Variants in SMYD4 observed in about 807,000 individuals in gnomAD.
The protein encoded by SMYD4 is SET and MYND domain containing 4, also known as protein-lysine N-methyltransferase SMYD4.
A neutral mutation model predicts 72.8 loss-of-function variants in SMYD4; 68 were observed. The ratio of observed to expected loss-of-function variants is 0.93; its 90% confidence interval spans 0.77 to 1.14. The LOEUF (loss-of-function observed/expected upper bound fraction) is 1.14, where lower values mean the gene tolerates loss of function less well. Ranked by LOEUF, SMYD4 falls within the 50% of genes most tolerant of loss-of-function variation. SMYD4 has a pLI of 0.00. For missense variants in SMYD4, 984 were observed against 1,003.7 expected (o/e 0.98, Z 0.27); for synonymous variants, 407 against 388.6 (o/e 1.05, Z -0.56).
chr17:1,790,113 C>T (rs538619166), intron 5 of SMYD4, among the ~76,000 whole-genome samples: 2 of 152,148 alleles, frequency 1.3e-5, no homozygotes, highest in Non-Finnish European at 2.9e-5. Flanking sequence ...AATAATCAGC[C>T]TCTGCATAAT....
chr17:1,787,130 C>G (rs1467891002), intron 6 of SMYD4, among the ~76,000 whole-genome samples, 157 bp from the exon 7 acceptor site: 1 of 152,186 alleles, frequency 6.6e-6, no homozygotes, highest in Non-Finnish European at 1.5e-5. Context: ...AATAAGCTTC[C>G]AAGTTGCTGA....
At chr17:1,806,803 T>C (rs570961570) in intron 3 of SMYD4, among the ~76,000 whole-genome samples, 4 of 152,308 alleles carry the variant, frequency 2.6e-5, no homozygotes, top group East Asian at 1.9e-4. Flanking sequence ...AAAATATCCA[T>C]TGACCAGGCA....
chr17:1,791,872 G>C (rs1909048696), intron 5 of SMYD4, among the ~76,000 whole-genome samples: 1 of 151,988 alleles, frequency 6.6e-6, no homozygotes, highest in African/African-American at 2.4e-5. Flanking sequence ...AAGTGACAGA[G>C]TGAGACCCTG....
chr17:1,826,313 C>A (rs1020490718), intron 2 of SMYD4, among the ~76,000 whole-genome samples: 1 of 151,596 alleles, frequency 6.6e-6, no homozygotes, highest in Non-Finnish European at 1.5e-5. Flanking sequence ...CCCAACATGG[C>A]GAAACTCCAT....
In SMYD4 at chr17:1,800,779, T is replaced by G. The variant is rs1352636940; in HGVS notation, c.615A>C (p.Thr205=). The G allele has an allele frequency of 3.7e-6, 6 of 1,613,152 alleles. No homozygotes were observed. Among genetic ancestry groups the G allele is most frequent in the Non-Finnish European group, 3.4e-6 (4 of 1,179,004 alleles). ...TGGCCAGAGCTGCTGGGAAGCTTTC[T>G]GTGAGACTGTCCTTTTCTTGCATCT... ...KMKMQEKDSL[T]ESFPAALAKT... Residue 205 remains threonine (T), a synonymous_variant, in exon 5 of 11, where the codon ACA becomes ACC. Coordinates refer to ENST00000305513, the MANE Select transcript of SMYD4 (RefSeq NM_052928.3).
chr17:1,790,066 G>T (rs1908938569), intron 5 of SMYD4, among the ~76,000 whole-genome samples: 1 of 152,206 alleles, frequency 6.6e-6, no homozygotes, highest in Non-Finnish European at 1.5e-5. Flanking sequence ...CAGGTGGCAG[G>T]AAGGAGCCGT....
intron 2 of SMYD4, among the ~76,000 whole-genome samples, chr17:1,824,960 G>A (rs1911091175): frequency 6.6e-6 from 1 of 152,058 alleles, no homozygotes; most frequent in East Asian, 1.9e-4. Context: ...TTCCCCCTTT[G>A]CTCAGCACTT....
rs1356994312 is a variant in SMYD4, at chr17:1,791,990, A to C, written c.1538-4386T>G. Among the ~76,000 whole-genome samples, 6 of 152,210 alleles carry C rather than the reference A, an allele frequency of 3.9e-5. No homozygotes were observed. The East Asian group carries it at 1.2e-3, about 29-fold the overall frequency. On this transcript the variant is annotated intron_variant, in intron 5 of 10. Coordinates refer to ENST00000305513, the MANE Select transcript of SMYD4 (RefSeq NM_052928.3). ...TACAGAGAAAATGACAGTTGCTTGT[A>C]ATGCCATCAGGCAGATATAACATGT...
In SMYD4 at chr17:1,800,000, T is replaced by A. The variant is rs1210332056; in HGVS notation, c.1394A>T (p.Glu465Val). 3.1e-6 allele frequency: 5 copies of A among 1,613,984 alleles called. No individual in the cohort carries two copies. In the African/African-American group the frequency reaches 5.3e-5, roughly 17 times the overall value. ...EAASLQAIPT[E>V]RIVNSSQLKA... is the part of the protein sequence containing the mutation. The stretch of plus-strand genomic sequence containing the variant: ...AAGCTGAGAGGAGTTCACAATCCTC[T>A]CAGTTGGGATGGCCTGTAAACTGGC... The change falls in exon 5 of 11, where the codon GAG (glutamate) becomes GTG (valine). Residue 465 changes from glutamate to valine, a missense_variant. Transcript: ENST00000305513.
intron 5 of SMYD4, among the ~76,000 whole-genome samples, chr17:1,797,592 G>C (rs1236149821): frequency 6.6e-6 from 1 of 152,230 alleles, no homozygotes; most frequent in African/African-American, 2.4e-5. Flanking sequence ...CACTATGCAG[G>C]CTGGCAGCTT....
intron 1 of SMYD4, among the ~76,000 whole-genome samples, chr17:1,828,937 T>A (rs1338082045): frequency 6.6e-6 from 1 of 151,352 alleles, no homozygotes; most frequent in East Asian, 1.9e-4. Flanking sequence ...CCCAGATTTT[T>A]CTTTCTCACC....
chr17:1,794,276 ATTT>A (rs57986348), intron 5 of SMYD4, among the ~76,000 whole-genome samples: 1 of 128,440 alleles, frequency 7.8e-6, no homozygotes, highest in Non-Finnish European at 1.7e-5. Context: ...CACCAGGCTA[ATTT>A]TTTTTTTTTT....
chr17:1,794,510 T>A (rs1379782581), intron 5 of SMYD4, among the ~76,000 whole-genome samples: 1 of 63,598 alleles, frequency 1.6e-5, no homozygotes, highest in African/African-American at 6.3e-5. Flanking sequence ...AAATTTGACA[T>A]TCTATAGTAT....
intron 2 of SMYD4, among the ~76,000 whole-genome samples, chr17:1,812,530 T>C (rs1253292938): frequency 6.8e-6 from 1 of 147,218 alleles, no homozygotes; most frequent in Non-Finnish European, 1.5e-5. Flanking sequence ...TGGGCTCAAA[T>C]GATCAGCAGA....
chr17:1,807,899 G>A (rs555103645), intron 3 of SMYD4, among the ~76,000 whole-genome samples: 6 of 152,234 alleles, frequency 3.9e-5, no homozygotes, highest in South Asian at 2.1e-4. Flanking sequence ...GGCAGATGAC[G>A]CTGGACACTC....
At chr17:1,794,081 G>GTGTGTGTATATATA (rs1454228796) in intron 5 of SMYD4, among the ~76,000 whole-genome samples, 13 of 17,122 alleles carry the variant, frequency 7.6e-4, no homozygotes, top group Non-Finnish European at 1.1e-3. Context: ...ATATATATGT[G>GTGTGTGTATATATA]TATATATATA....
rs368631188 is a variant in SMYD4, at chr17:1,784,863, G to A, written c.1885-402C>T. Among the ~76,000 whole-genome samples, 14 of 151,850 alleles carry A rather than the reference G, an allele frequency of 9.2e-5. No individual in the cohort carries two copies. The East Asian group carries it at 2.0e-3, about 21-fold the overall frequency. ...CGGCTCACTCCAAGCTCCGCCTCCC[G>A]GGTTCACGCCATTCTCCTGCCTCAG... On this transcript the variant is annotated intron_variant, in intron 7 of 10. Coordinates refer to ENST00000305513, the MANE Select transcript of SMYD4 (RefSeq NM_052928.3).
intron 5 of SMYD4, among the ~76,000 whole-genome samples, chr17:1,794,011 A>ATGTG (rs1909210608): frequency 9.9e-6 from 1 of 100,648 alleles, no homozygotes; most frequent in Non-Finnish European, 1.9e-5. Context: ...ATATATGTAT[A>ATGTG]TATATATATG....
Position 1,799,985 on chromosome 17 carries a change from G to A in SMYD4, c.1409C>T (p.Ser470Phe). ...QAIPTERIVN[S>F]SQLKAAVTPE... is the part of the protein sequence containing the mutation. The stretch of plus-strand genomic sequence containing the variant: ...TGTCACTGCTGCTTTAAGCTGAGAG[G>A]AGTTCACAATCCTCTCAGTTGGGAT... Residue 470 changes from serine to phenylalanine, a missense_variant, in exon 5 of 11, where the codon TCC becomes TTC. Physicochemically the swap from Ser to Phe is radical, Grantham distance 155 (BLOSUM62 -2). Transcript: ENST00000305513. The A allele has an allele frequency of 6.2e-7, 1 of 1,614,078 alleles. No homozygotes were observed. The highest frequency in any genetic ancestry group is 1.3e-5 in the African/African-American group (1 of 75,008).
Sources: gnomAD v4.1 joint callset for allele counts (sites outside exome capture counted in the v4.1 genomes callset) on GRCh38, gnomAD v4.1.1 for gene constraint, MANE v1.5 for transcripts, NCBI Gene and HGNC (gene_info 2026-07-23, HGNC 2026-07-21) for gene names.